Variants in VPS53 observed in about 807,000 individuals in gnomAD.
VPS53 encodes vacuolar protein sorting-associated protein 53 homolog.
Under a neutral mutation model 107.0 loss-of-function variants are expected in VPS53, and 70 were observed. The observed-to-expected ratio is 0.65, with a 90% CI of 0.54 to 0.80. The LOEUF (loss-of-function observed/expected upper bound fraction) is 0.80, where lower values mean the gene tolerates loss of function less well. Among genes scored for constraint, VPS53 ranks in the 30% least tolerant of loss-of-function variants. The pLI, the probability that VPS53 is intolerant of heterozygous loss-of-function variation, is 0.00. For missense variants in VPS53, 917 were observed against 1,049.4 expected (o/e 0.87, Z 1.74); for synonymous variants, 409 against 393.3 (o/e 1.04, Z -0.47).
chr17:714,770 C>G lies in VPS53; in HGVS notation c.-61G>C. The G allele has an allele frequency of 6.3e-7, 1 of 1,584,096 alleles. No individual in the cohort carries two copies. Among genetic ancestry groups the G allele is most frequent in the Non-Finnish European group, 8.7e-7 (1 of 1,154,286 alleles). On this transcript the variant is annotated 5_prime_UTR_variant, in exon 1 of 22. Coordinates refer to ENST00000437048, the MANE Select transcript of VPS53 (RefSeq NM_001128159.3). Reference sequence around the variant, plus strand: ...GCCCAACTCAGGCCTCCAGCCGCCACCCAGGCCCCAGCACAGCAACTCCCT... The same window carrying G: ...GCCCAACTCAGGCCTCCAGCCGCCAGCCAGGCCCCAGCACAGCAACTCCCT...
intron 20 of VPS53, 109 bp downstream of exon 20, chr17:521,492 C>T: frequency 1.6e-6 from 2 of 1,246,438 alleles, no homozygotes; most frequent in Non-Finnish European, 2.1e-6. Flanking sequence ...GAATGTGGAC[C>T]ATGCTTTGAG....
At chr17:631,227 C>A (rs964920152) in intron 8 of VPS53, among the ~76,000 whole-genome samples, 1 of 151,778 alleles carries the variant, frequency 6.6e-6, no homozygotes, top group Non-Finnish European at 1.5e-5. Context: ...CCTAAAAACA[C>A]CGCGGCATGA....
chr17:704,696 TG>T (rs1435263770), intron 2 of VPS53, among the ~76,000 whole-genome samples: 5 of 152,148 alleles, frequency 3.3e-5, no homozygotes, highest in African/African-American at 1.2e-4. Context: ...ATCATATACC[TG>T]GGGCATAATT....
At chr17:649,561 T>C (rs1043796043) in intron 7 of VPS53, among the ~76,000 whole-genome samples, 8 of 141,598 alleles carry the variant, frequency 5.6e-5, no homozygotes, top group Non-Finnish European at 3.1e-5. Flanking sequence ...GATCTTACAC[T>C]GGAGGACAGA....
rs151168301 is a variant in VPS53, at chr17:620,386, A to C, written c.1116+3147T>G. 6.1e-4 allele frequency among the ~76,000 whole-genome samples: 93 copies of C among 152,362 alleles called. 1 individual carries two copies. In the East Asian group the frequency reaches 0.015, roughly 25 times the overall value. On this transcript the variant is annotated intron_variant, in intron 11 of 21. Coordinates refer to ENST00000437048, the MANE Select transcript of VPS53 (RefSeq NM_001128159.3). ...AATTGCACTGAAGTCTCAGGGTTTT[A>C]GGACCAGAAGGGTAGGAGCTAGAGA...
At chr17:606,318 C>G (rs563808269) in intron 11 of VPS53, among the ~76,000 whole-genome samples, 2 of 152,224 alleles carry the variant, frequency 1.3e-5, no homozygotes, top group Admixed American at 6.5e-5. Context: ...TCTGACAGAC[C>G]CGGGTTCGAG....
chr17:561,722 C>T (rs12948505), intron 14 of VPS53, among the ~76,000 whole-genome samples: 22,383 of 152,168 alleles, frequency 0.15, 1,980 homozygotes, highest in South Asian at 0.23. Flanking sequence ...CTCCGCCTCC[C>T]GGGTTCAAGT....
intron 5 of VPS53, among the ~76,000 whole-genome samples, chr17:661,513 T>C (rs1206376918): frequency 2.9e-5 from 3 of 105,052 alleles, no homozygotes; most frequent in Non-Finnish European, 5.9e-5. Flanking sequence ...AGAGCAAGAC[T>C]CCATCTCAAA....
At chr17:549,736 T>A (rs971641689) in intron 17 of VPS53, among the ~76,000 whole-genome samples, 2 of 152,266 alleles carry the variant, frequency 1.3e-5, no homozygotes, top group Non-Finnish European at 2.9e-5. Context: ...GAGGGGATCA[T>A]GAGAGCTGGC....
chr17:527,520 C>G (rs138648137), intron 19 of VPS53, among the ~76,000 whole-genome samples: 365 of 152,302 alleles, frequency 2.4e-3, no homozygotes, highest in Non-Finnish European at 3.0e-3. Flanking sequence ...TAGGAGTTTT[C>G]CAATGTGGCT....
intron 11 of VPS53, among the ~76,000 whole-genome samples, chr17:619,419 GCACCACCACACCCCAC>G: frequency 7.0e-6 from 1 of 142,890 alleles, no homozygotes. Context: ...CTACAGGCGT[GCACCACCACACCCCAC>G]TAATATTTTC....
At chr17:527,229 GCTGT>G (rs1909185959) in intron 19 of VPS53, among the ~76,000 whole-genome samples, 1 of 152,122 alleles carries the variant, frequency 6.6e-6, no homozygotes, top group African/African-American at 2.4e-5. Context: ...AAACTCTCCT[GCTGT>G]CTCTCACTGT....
chr17:605,425 CTGGA>C (rs1968519477), intron 11 of VPS53, among the ~76,000 whole-genome samples: 1 of 150,988 alleles, frequency 6.6e-6, no homozygotes, highest in Non-Finnish European at 1.5e-5. Flanking sequence ...GGTGGAGACG[CTGGA>C]AAGCATATGG....
intron 11 of VPS53, among the ~76,000 whole-genome samples, chr17:613,420 A>G (rs370360636): frequency 1.3e-5 from 2 of 152,252 alleles, no homozygotes; most frequent in Admixed American, 6.5e-5. Flanking sequence ...GAAAACCTGC[A>G]CAGATATTCA....
Position 544,953 on chromosome 17 carries a change from C to T in VPS53, c.1866+6919G>A, listed in dbSNP as rs747358256. The stretch of plus-strand genomic sequence containing the variant: ...AAAATTAGCCAGGTGTGGTGGTGTG[C>T]GCCAGTAGTACCAGCTATTTGGGAG... On this transcript the variant is annotated intron_variant, in intron 17 of 21. Coordinates refer to ENST00000437048, the MANE Select transcript of VPS53 (RefSeq NM_001128159.3). 1.8e-3 allele frequency among the ~76,000 whole-genome samples: 280 copies of T among 151,968 alleles called. 1 individual carries two copies. The highest frequency in any genetic ancestry group is 7.6e-4 in the Non-Finnish European group (52 of 67,986).
chr17:661,866 T>C lies in VPS53; in HGVS notation c.315A>G (p.Gln105=), dbSNP rs1321707098. The C allele has an allele frequency of 3.2e-6, 5 of 1,552,372 alleles. No homozygotes were observed. The highest frequency in any genetic ancestry group is 2.4e-5 in the East Asian group (1 of 40,922). ...QALEEAQKAI[Q]QLFGKIKDIK... is the part of the protein sequence containing the mutation. ...TATCTTTGATTTTGCCAAAGAGTTGTTGGATAGCTTTCTGAGCCTCTTCAA... is the reference window on the plus strand; with the variant it reads ...TATCTTTGATTTTGCCAAAGAGTTGCTGGATAGCTTTCTGAGCCTCTTCAA... The change falls in exon 5 of 22, where the codon CAA becomes CAG. Residue 105 remains glutamine, a synonymous_variant. Coordinates refer to ENST00000437048, the MANE Select transcript of VPS53 (RefSeq NM_001128159.3).
At chr17:593,294 A>C (rs1427825561) in intron 12 of VPS53, among the ~76,000 whole-genome samples, 2 of 152,136 alleles carry the variant, frequency 1.3e-5, no homozygotes, top group Admixed American at 6.6e-5. Flanking sequence ...GCAACAAAAG[A>C]CAAAATTGAC....
chr17:670,702 G>A (rs12451433), intron 4 of VPS53, among the ~76,000 whole-genome samples: 15,363 of 152,142 alleles, frequency 0.1, 861 homozygotes, highest in East Asian at 0.21. Context: ...CTGTGAGTCC[G>A]CAGGCAGCCT....
chr17:673,439 C>T (rs1251359092), intron 4 of VPS53, among the ~76,000 whole-genome samples: 1 of 152,236 alleles, frequency 6.6e-6, no homozygotes, highest in Non-Finnish European at 1.5e-5. Flanking sequence ...CGGTGCTCAA[C>T]AGCAGCAGAG....
Sources: gnomAD v4.1 joint callset for allele counts (sites outside exome capture counted in the v4.1 genomes callset) on GRCh38, gnomAD v4.1.1 for gene constraint, MANE v1.5 for transcripts, NCBI Gene and HGNC (gene_info 2026-07-23, HGNC 2026-07-21) for gene names.